Variants in USH2A observed in about 807,000 individuals in gnomAD.
USH2A encodes the protein usherin.
In USH2A, 443 loss-of-function variants were observed where a neutral mutation model predicts 538.9. The ratio of observed to expected loss-of-function variants is 0.82; its 90% CI spans 0.76 to 0.89. USH2A has a LOEUF of 0.89. USH2A is among the 40% of genes least tolerant of loss of function. The probability of loss-of-function intolerance (pLI) is 0.00; values close to 1 mark genes in which losing one functional copy is unlikely to be tolerated. For missense variants in USH2A, 6,633 were observed against 6,324.8 expected (o/e 1.05, Z -1.65); for synonymous variants, 2,413 against 2,273.5 (o/e 1.06, Z -1.75).
chr1:216,397,274 T>C (rs1218346845), intron 3 of USH2A, among the ~76,000 whole-genome samples: 1 of 152,232 alleles, frequency 6.6e-6, no homozygotes, highest in African/African-American at 2.4e-5. Context: ...ATAGGCACTT[T>C]ACAACTTGCC....
chr1:215,790,348 A>G, intron 50 of USH2A, 66 bp from the exon 51 acceptor site: 3 of 1,567,462 alleles, frequency 1.9e-6, no homozygotes, highest in South Asian at 1.1e-5. Context: ...AGGCTGCTAT[A>G]AAGTTTGGTA....
chr1:215,689,479 C>T (rs556802309), intron 61 of USH2A, among the ~76,000 whole-genome samples: 1 of 152,338 alleles, frequency 6.6e-6, no homozygotes, highest in Admixed American at 6.5e-5. Context: ...GAATCATGCC[C>T]TTGTGTGATT....
In USH2A at chr1:215,982,608, C is replaced by G. The variant is rs1021902801; in HGVS notation, c.6805+10412G>C. Reference sequence around the variant, plus strand: ...CAAAGAAACAAGTATTTACTAAATACTGTAAAATAATTTTTGTAAGTCTGC... The same window carrying G: ...CAAAGAAACAAGTATTTACTAAATAGTGTAAAATAATTTTTGTAAGTCTGC... On this transcript the variant is annotated intron_variant, in intron 35 of 71. Transcript: ENST00000307340. Among the ~76,000 whole-genome samples, 3 of 152,158 alleles carry G rather than the reference C, an allele frequency of 2.0e-5. No individual in the cohort carries two copies. The East Asian group carries it at 5.8e-4, about 29-fold the overall frequency.
At chr1:216,329,886 A>C (rs1461087736) in intron 4 of USH2A, among the ~76,000 whole-genome samples, 1 of 152,080 alleles carries the variant, frequency 6.6e-6, no homozygotes, top group Non-Finnish European at 1.5e-5. Flanking sequence ...ACATAATGAG[A>C]TATCAAGGAG....
At chr1:215,859,718 G>A (rs917489803) in intron 44 of USH2A, among the ~76,000 whole-genome samples, 18 of 152,090 alleles carry the variant, frequency 1.2e-4, no homozygotes, top group Non-Finnish European at 1.8e-4. Context: ...TAGAGGCCCC[G>A]TCTCCAAATA....
chr1:216,025,061 A>T (rs1478641958), intron 32 of USH2A, among the ~76,000 whole-genome samples: 1 of 151,964 alleles, frequency 6.6e-6, no homozygotes, highest in Non-Finnish European at 1.5e-5. Context: ...GGATAACAAC[A>T]TTTAAATATG....
chr1:215,895,569 T>C (rs898584086), intron 40 of USH2A, among the ~76,000 whole-genome samples: 17 of 152,180 alleles, frequency 1.1e-4, no homozygotes, highest in African/African-American at 4.1e-4. Context: ...TGTTCCTTTG[T>C]AAATTACTGT....
intron 44 of USH2A, among the ~76,000 whole-genome samples, chr1:215,852,837 G>A (rs984053433): frequency 7.9e-5 from 12 of 152,226 alleles, no homozygotes; most frequent in African/African-American, 2.9e-4. Flanking sequence ...TGATGCAAGA[G>A]GTGGGTTCCC....
intron 21 of USH2A, among the ~76,000 whole-genome samples, chr1:216,111,739 G>C (rs1185985620): frequency 6.9e-6 from 1 of 145,080 alleles, no homozygotes; most frequent in Non-Finnish European, 1.5e-5. Flanking sequence ...GTATGCATAG[G>C]CTTCTGAAAC....
intron 21 of USH2A, among the ~76,000 whole-genome samples, chr1:216,137,297 A>G (rs1380804470): frequency 6.6e-6 from 1 of 152,106 alleles, no homozygotes; most frequent in African/African-American, 2.4e-5. Flanking sequence ...GGGAATAAAA[A>G]GAGATTTAAT....
intron 44 of USH2A, among the ~76,000 whole-genome samples, chr1:215,864,449 G>A (rs189596791): frequency 2.0e-5 from 3 of 152,154 alleles, no homozygotes; most frequent in African/African-American, 7.2e-5. Context: ...ATATAAAGCA[G>A]GGATAAACAT....
rs186142342 is a variant in USH2A, at chr1:216,189,690, T to C, written c.4396+533A>G. ...AATAGATAAACATTTACCTATTTCA[T>C]GAAAGCCAAATATAACACCAGGCCA... is the stretch of plus-strand genomic sequence containing the variant. On this transcript the variant is annotated intron_variant, in intron 20 of 71. Transcript: ENST00000307340. Among the ~76,000 whole-genome samples the C allele has an allele frequency of 2.6e-5, 4 of 152,050 alleles. No individual in the cohort carries two copies. In the East Asian group the frequency reaches 7.8e-4, roughly 30 times the overall value.
intron 36 of USH2A, 111 bp from the exon 37 acceptor site, chr1:215,965,590 C>G: frequency 1.5e-6 from 2 of 1,291,008 alleles, no homozygotes. Context: ...ACTATTTTGA[C>G]AGTAGCATCT....
At chr1:216,361,945 G>C (rs1251497399) in intron 4 of USH2A, among the ~76,000 whole-genome samples, 1 of 152,190 alleles carries the variant, frequency 6.6e-6, no homozygotes, top group African/African-American at 2.4e-5. Context: ...TATGGTTATA[G>C]AGGGCTACAT....
intron 11 of USH2A, among the ~76,000 whole-genome samples, chr1:216,262,469 G>GA (rs1292126842): frequency 6.6e-6 from 1 of 151,700 alleles, no homozygotes; most frequent in African/African-American, 2.4e-5. Context: ...AGATCAAGCA[G>GA]AAAAAAATGA....
intron 4 of USH2A, among the ~76,000 whole-genome samples, chr1:216,355,319 G>GAAAGAAAGAAAGAA (rs2038366364): frequency 6.2e-4 from 33 of 53,132 alleles, no homozygotes; most frequent in Admixed American, 1.5e-3. Context: ...AAGAAAGAAA[G>GAAAGAAAGAAAGAA]AAAGAAAGAA....
intron 60 of USH2A, among the ~76,000 whole-genome samples, chr1:215,734,017 C>A (rs541436210): frequency 3.7e-4 from 57 of 152,344 alleles, no homozygotes; most frequent in Admixed American, 3.3e-3. Flanking sequence ...GCTCCAACAC[C>A]ACACTTGCCT....
chr1:215,629,048 T>G lies in USH2A; in HGVS notation c.15298-13A>C, dbSNP rs369142373. On this transcript the variant is annotated splice_polypyrimidine_tract_variant and intron_variant, in intron 70 of 71. Coordinates refer to ENST00000307340, the MANE Select transcript of USH2A (RefSeq NM_206933.4). ...TATCGGCTAACCCCTGAGAAGGAAG[T>G]TGCTGTGAGTATTTCACATATAAAG... 6.8e-6 allele frequency: 11 copies of G among 1,610,100 alleles called. No individual in the cohort carries two copies. Among genetic ancestry groups the G allele is most frequent in the African/African-American group, 1.3e-5 (1 of 74,724 alleles).
At position 216,097,230 on chromosome 1, in the gene USH2A, G is replaced by A. The variant is rs766397153; in HGVS notation, c.4628-17C>T. 10 of 1,613,940 alleles carry A rather than the reference G, an allele frequency of 6.2e-6. No homozygotes were observed. The highest frequency in any genetic ancestry group is 1.6e-4 in the Middle Eastern group (1 of 6,084). ...CCTTAATGCCTGGTAAGACAAGTGT[G>A]ATCAGCAAATCAGTGCTGGGGTTTT... On this transcript the variant is annotated splice_polypyrimidine_tract_variant and intron_variant, in intron 21 of 71. Transcript: ENST00000307340.
Sources: gnomAD v4.1 joint callset for allele counts (sites outside exome capture counted in the v4.1 genomes callset) on GRCh38, gnomAD v4.1.1 for gene constraint, MANE v1.5 for transcripts, NCBI Gene and HGNC (gene_info 2026-07-23, HGNC 2026-07-21) for gene names.